Variants in ESR1 observed in about 807,000 individuals in gnomAD.
ESR1 encodes the protein estrogen receptor 1, also known as estrogen receptor.
ESR1 carries 12 observed loss-of-function variants against 52.7 expected under a neutral mutation model. The ratio of observed to expected loss-of-function variants is 0.23; its 90% CI spans 0.15 to 0.37. ESR1 has a LOEUF of 0.37. Among genes scored for constraint, ESR1 ranks in the 10% least tolerant of loss-of-function variants. The pLI is 1.00. For synonymous variants in ESR1, 305 were observed against 316.8 expected (o/e 0.96, Z 0.39); for missense variants, 584 against 779.7 (o/e 0.75, Z 2.99).
rs922268121 is a variant in ESR1, at chr6:152,101,286, T to G, written c.*2320T>G. 1 of 232,310 alleles carries G rather than the reference T, an allele frequency of 4.3e-6. No individual in the cohort carries two copies. The highest frequency in any genetic ancestry group is 8.5e-6 in the Non-Finnish European group (1 of 117,368). 14.4% of individuals were successfully genotyped at this position (232,310 alleles called of 1,614,324 possible). ...AGCTAATTTTGCTTTTACCAAAATA[T>G]CAGTAGTAATATTTTTGGACAGTAG... On this transcript the variant is annotated 3_prime_UTR_variant, in exon 8 of 8. Transcript: ENST00000206249.
chr6:151,953,504 C>T (rs188884217), intron 4 of ESR1, among the ~76,000 whole-genome samples: 2 of 152,150 alleles, frequency 1.3e-5, no homozygotes, highest in East Asian at 1.9e-4. Flanking sequence ...GGGCGGATCA[C>T]GAGGTCAAGA....
intron 4 of ESR1, among the ~76,000 whole-genome samples, chr6:151,956,749 CCTTT>C (rs2036963100): frequency 6.7e-6 from 1 of 149,166 alleles, no homozygotes; most frequent in African/African-American, 2.5e-5. Context: ...CAACCCTTCT[CCTTT>C]CTCTCTCTTC....
intron 3 of ESR1, among the ~76,000 whole-genome samples, chr6:151,935,313 A>G (rs1323953096): frequency 6.6e-6 from 1 of 152,262 alleles, no homozygotes; most frequent in Non-Finnish European, 1.5e-5. Flanking sequence ...TCACAGATTT[A>G]ACGTGAAGGA....
At chr6:151,883,617 A>C (rs961067367) in intron 3 of ESR1, among the ~76,000 whole-genome samples, 1 of 152,124 alleles carries the variant, frequency 6.6e-6, no homozygotes, top group South Asian at 2.1e-4. Context: ...AAATATAGTC[A>C]TACCAGGGGC....
At chr6:152,096,614 C>A (rs567486918) in intron 7 of ESR1, 2 of 455,482 alleles carry the variant, frequency 4.4e-6, no homozygotes, top group Non-Finnish European at 8.8e-6. Flanking sequence ...CCTGTGAATT[C>A]GGCTTCTACT....
chr6:151,747,325 G>GAATCTAATGAATGA (rs1242872202), intron 2 of ESR1, among the ~76,000 whole-genome samples: 6 of 152,174 alleles, frequency 3.9e-5, no homozygotes, highest in African/African-American at 1.4e-4. Flanking sequence ...TGAATAAGCA[G>GAATCTAATGAATGA]ATGGGTTGTG....
chr6:151,875,139 A>G (rs1278105890), intron 2 of ESR1, among the ~76,000 whole-genome samples: 1 of 152,244 alleles, frequency 6.6e-6, no homozygotes. Flanking sequence ...AGGATAATTC[A>G]TGAGCAATGC....
Position 151,807,956 on chromosome 6 carries a change from T to C in ESR1, c.44T>C (p.Leu15Pro), listed in dbSNP as rs760503206. The C allele has an allele frequency of 6.2e-7, 1 of 1,613,978 alleles. No individual in the cohort carries two copies. Among genetic ancestry groups the C allele is most frequent in the East Asian group, 2.2e-5 (1 of 44,852 alleles). Residue 15 changes from leucine (L) to proline (P), a missense_variant, in exon 1 of 8, where the codon CTG becomes CCG. Around this residue, in one of 6 missense-constraint regions of ESR1, gnomAD observed 251 missense variants for 246.1 expected, o/e 1.02. Transcript: ENST00000206249. Reference sequence around the variant, plus strand: ...ACCAAAGCATCTGGGATGGCCCTACTGCATCAGATCCAAGGGAACGAGCTG... The same window carrying C: ...ACCAAAGCATCTGGGATGGCCCTACCGCATCAGATCCAAGGGAACGAGCTG... ...LHTKASGMAL[L>P]HQIQGNELEP... is the part of the protein sequence containing the mutation.
chr6:152,000,466 T>C (rs2128742663), intron 4 of ESR1, among the ~76,000 whole-genome samples: 1 of 152,154 alleles, frequency 6.6e-6, no homozygotes, highest in East Asian at 1.9e-4. Flanking sequence ...CTTTTCTCTT[T>C]ATATAAATAT....
chr6:151,891,954 T>C (rs1384966269), intron 3 of ESR1, among the ~76,000 whole-genome samples: 1 of 152,146 alleles, frequency 6.6e-6, no homozygotes, highest in Non-Finnish European at 1.5e-5. Context: ...TTTAATATAA[T>C]TTAAAAGGGG....
At chr6:151,749,803 A>T (rs575680642) in intron 2 of ESR1, among the ~76,000 whole-genome samples, 187 of 152,236 alleles carry the variant, frequency 1.2e-3, no homozygotes, top group Non-Finnish European at 1.0e-3. Flanking sequence ...GTGGGGGAAA[A>T]AGAACTGCTA....
At position 151,808,069 on chromosome 6, in the gene ESR1, A is replaced by C. The variant is rs763035310; in HGVS notation, c.157A>C (p.Asn53His). 3 of 1,613,350 alleles carry C rather than the reference A, an allele frequency of 1.9e-6. No individual in the cohort carries two copies. The highest frequency in any genetic ancestry group is 2.2e-5 in the East Asian group (1 of 44,836). ...GGACAGCAGCAAGCCCGCCGTGTAC[A>C]ACTACCCCGAGGGCGCCGCCTACGA... is the stretch of plus-strand genomic sequence containing the variant. ...YLDSSKPAVYNYPEGAAYEFN... is the reference protein window; with the variant it reads ...YLDSSKPAVYHYPEGAAYEFN... The change falls in exon 1 of 8, where the codon AAC becomes CAC. Residue 53 changes from asparagine (N) to histidine (H), a missense_variant. By Grantham distance (68) the Asn-to-His change is moderately conservative. Coordinates refer to ENST00000206249, the MANE Select transcript of ESR1 (RefSeq NM_000125.4).
chr6:151,678,503 C>T (rs984985589), intron 1 of ESR1, among the ~76,000 whole-genome samples: 1 of 151,700 alleles, frequency 6.6e-6, no homozygotes, highest in Admixed American at 6.6e-5. Flanking sequence ...ATGCCTGAGT[C>T]TCTCCCCAAA....
chr6:151,848,984 A>G (rs1785768172), intron 2 of ESR1, among the ~76,000 whole-genome samples: 1 of 152,016 alleles, frequency 6.6e-6, no homozygotes, highest in Non-Finnish European at 1.5e-5. Context: ...CAACACGCCA[A>G]CATGTTCCTT....
At chr6:151,983,753 C>T (rs189791448) in intron 4 of ESR1, among the ~76,000 whole-genome samples, 116 of 152,164 alleles carry the variant, frequency 7.6e-4, no homozygotes, top group Middle Eastern at 3.4e-3. Flanking sequence ...AATTCCATTC[C>T]TGCCTTTAGC....
chr6:151,802,549 A>G (rs1044736172), upstream of ESR1, among the ~76,000 whole-genome samples: 1 of 152,242 alleles, frequency 6.6e-6, no homozygotes, highest in African/African-American at 2.4e-5. Flanking sequence ...TCATAGTATT[A>G]TCTGCTTGCG....
chr6:151,944,553 G>A (rs772353301), intron 4 of ESR1, 45 bp downstream of exon 4: 3 of 1,552,306 alleles, frequency 1.9e-6, no homozygotes, highest in Non-Finnish European at 2.7e-6. Flanking sequence ...AGCTTTTCAA[G>A]AACTTGTTGT....
intron 2 of ESR1, among the ~76,000 whole-genome samples, chr6:151,784,940 A>G (rs1786881417): frequency 6.6e-6 from 1 of 152,032 alleles, no homozygotes; most frequent in African/African-American, 2.4e-5. Flanking sequence ...TTCTAGGGAC[A>G]TTTTTTTCTT....
chr6:151,899,001 C>T (rs1479465443), intron 3 of ESR1, among the ~76,000 whole-genome samples: 10 of 151,448 alleles, frequency 6.6e-5, no homozygotes, highest in South Asian at 2.1e-4. Flanking sequence ...CCTCACCTCC[C>T]GGACGGGGCG....
Sources: allele counts gnomAD v4.1 joint callset (sites outside exome capture counted in the v4.1 genomes callset), GRCh38; gene constraint gnomAD v4.1.1; regional missense constraint gnomAD v4.1.1; transcripts MANE v1.5; gene names NCBI Gene and HGNC (gene_info 2026-07-23, HGNC 2026-07-21).